The following PCDH11X variants were observed in gnomAD, a reference collection of about 807,000 sequenced individuals.
The protein encoded by PCDH11X is protocadherin-11 X-linked.
A neutral mutation model predicts 53.3 loss-of-function variants in PCDH11X; 18 were observed. The observed-to-expected ratio is 0.34, with a 90% CI of 0.23 to 0.50. The LOEUF (loss-of-function observed/expected upper bound fraction) is 0.50. Ranked by LOEUF, PCDH11X falls within the 20% of genes least tolerant of loss-of-function variation. The probability of loss-of-function intolerance (pLI) is 0.98; values close to 1 mark genes in which losing one functional copy is unlikely to be tolerated. For missense variants in PCDH11X, 570 were observed against 1,032.4 expected (o/e 0.55, Z 6.14); for synonymous variants, 279 against 393.3 (o/e 0.71, Z 3.44).
intron 1 of PCDH11X, among the ~76,000 whole-genome samples, chrX:91,799,501 G>A (rs1935855623): frequency 9.0e-6 from 1 of 111,364 alleles, no homozygotes; most frequent in South Asian, 3.7e-4. Flanking sequence ...AAAGAAAGTA[G>A]ATTTCTGGCC....
chrX:92,405,540 A>AT (rs1385690772), intron 9 of PCDH11X, among the ~76,000 whole-genome samples: 2 of 109,049 alleles, frequency 1.8e-5, no homozygotes, highest in African/African-American at 3.3e-5. Context: ...CTTTAGTTGT[A>AT]TTTTTTTTAA....
At chrX:92,317,197 C>T (rs1203808020) in intron 8 of PCDH11X, among the ~76,000 whole-genome samples, 2 of 66,105 alleles carry the variant, frequency 3.0e-5, no homozygotes, top group African/African-American at 1.3e-4. Context: ...CTTGGAGTAA[C>T]ATTTGCATTC....
At chrX:92,399,696 A>G (rs1188613404) in intron 9 of PCDH11X, among the ~76,000 whole-genome samples, 1 of 110,231 alleles carries the variant, frequency 9.1e-6, no homozygotes, top group Non-Finnish European at 1.9e-5. Context: ...GTCCACACAC[A>G]CAAATGTGTA....
chrX:91,939,919 A>G (rs1011387231), intron 6 of PCDH11X, among the ~76,000 whole-genome samples: 3 of 109,056 alleles, frequency 2.8e-5, no homozygotes, highest in African/African-American at 1.0e-4. Flanking sequence ...AATGATCACT[A>G]CAGGGTAAAT....
At chrX:92,575,999 TATATATATATATACACAC>T (rs1446498515) in intron 10 of PCDH11X, among the ~76,000 whole-genome samples, 667 of 38,389 alleles carry the variant, frequency 0.017, 27 homozygotes, top group African/African-American at 0.065. Flanking sequence ...TATATATATA[TATATATATATATACACAC>T]ACACACACAC....
At chrX:92,436,902 C>T (rs1351833586) in intron 9 of PCDH11X, among the ~76,000 whole-genome samples, 1 of 105,698 alleles carries the variant, frequency 9.5e-6, no homozygotes, top group Non-Finnish European at 1.9e-5. Flanking sequence ...ATAATCTGTA[C>T]AGCAAACTTC....
At chrX:91,937,136 C>T (rs193078702) in intron 6 of PCDH11X, among the ~76,000 whole-genome samples, 5,607 of 109,134 alleles carry the variant, frequency 0.051, 123 homozygotes, top group Middle Eastern at 0.073. Flanking sequence ...TTTCATTCAA[C>T]TGCCATATAT....
intron 1 of PCDH11X, among the ~76,000 whole-genome samples, chrX:91,799,626 A>G (rs1450707180): frequency 1.8e-5 from 2 of 112,415 alleles, no homozygotes; most frequent in Non-Finnish European, 3.8e-5. Context: ...TAAAACTTGA[A>G]TAAAAATGTA....
At chrX:91,814,469 T>G (rs1449293683) in intron 4 of PCDH11X, among the ~76,000 whole-genome samples, 1 of 107,242 alleles carries the variant, frequency 9.3e-6, no homozygotes, top group African/African-American at 3.4e-5. Flanking sequence ...GAAAAAAAAT[T>G]TGTTGCCAAG....
At chrX:92,242,303 T>C (rs1229772805) in intron 7 of PCDH11X, among the ~76,000 whole-genome samples, 2 of 111,053 alleles carry the variant, frequency 1.8e-5, no homozygotes, top group African/African-American at 6.6e-5. Context: ...TCCAGCTATA[T>C]GGCAGGCTGA....
intron 6 of PCDH11X, among the ~76,000 whole-genome samples, chrX:91,894,994 C>G (rs1295532259): frequency 9.0e-6 from 1 of 110,857 alleles, no homozygotes; most frequent in African/African-American, 3.3e-5. Flanking sequence ...CACATAGGGG[C>G]ATGCACCTTG....
At chrX:92,136,929 A>G (rs1285799380) in intron 6 of PCDH11X, among the ~76,000 whole-genome samples, 1 of 103,566 alleles carries the variant, frequency 9.7e-6, no homozygotes, top group African/African-American at 3.5e-5. Context: ...ACAATAATAA[A>G]TCAAATCTAA....
intron 6 of PCDH11X, among the ~76,000 whole-genome samples, chrX:91,882,006 A>C (rs1939929628): frequency 9.1e-6 from 1 of 110,166 alleles, no homozygotes; most frequent in African/African-American, 3.3e-5. Context: ...AATTCATCTG[A>C]AATTTTATGT....
chrX:92,595,186 C>G (rs1602410099), intron 10 of PCDH11X, among the ~76,000 whole-genome samples: 2 of 109,392 alleles, frequency 1.8e-5, no homozygotes, highest in South Asian at 7.9e-4. Flanking sequence ...CTTGGGAAAA[C>G]TGACCTCATA....
intron 9 of PCDH11X, among the ~76,000 whole-genome samples, chrX:92,426,953 T>C (rs6615386): frequency 0.042 from 4,606 of 110,089 alleles, 211 homozygotes; most frequent in East Asian, 0.13. Flanking sequence ...CACTTTACTA[T>C]TGAGAATTAT....
intron 9 of PCDH11X, among the ~76,000 whole-genome samples, chrX:92,441,654 A>G (rs1199609047): frequency 8.9e-6 from 1 of 112,345 alleles, no homozygotes; most frequent in Non-Finnish European, 1.9e-5. Context: ...ATGTATGGAA[A>G]TGCCTGGATG....
At chrX:92,561,713 GAA>G (rs2075134092) in intron 10 of PCDH11X, among the ~76,000 whole-genome samples, 1 of 109,530 alleles carries the variant, frequency 9.1e-6, no homozygotes, top group South Asian at 4.0e-4. Flanking sequence ...GGGAGGTAGG[GAA>G]AGAGGTATAG....
intron 6 of PCDH11X, among the ~76,000 whole-genome samples, chrX:92,182,016 G>T (rs939270308): frequency 1.8e-5 from 2 of 111,932 alleles, no homozygotes; most frequent in African/African-American, 6.5e-5. Flanking sequence ...TCCACTGACA[G>T]CTTGCACTGT....
At chrX:91,900,526 G>A (rs1225815003) in intron 6 of PCDH11X, among the ~76,000 whole-genome samples, 2 of 108,789 alleles carry the variant, frequency 1.8e-5, no homozygotes, top group African/African-American at 6.7e-5. Context: ...GGAGAACTTT[G>A]CCCCATCCCT....
Sources: gnomAD v4.1 joint callset for allele counts (sites outside exome capture counted in the v4.1 genomes callset) on GRCh38, gnomAD v4.1.1 for gene constraint, MANE v1.5 for transcripts, NCBI Gene and HGNC (gene_info 2026-07-23, HGNC 2026-07-21) for gene names.